Variants in SHISA6 observed in about 807,000 individuals in gnomAD.
The protein encoded by SHISA6 is shisa family member 6.
SHISA6 carries 22 observed loss-of-function variants against 47.9 expected under a neutral mutation model. The observed-to-expected ratio is 0.46, with a 90% CI of 0.33 to 0.66. The LOEUF (loss-of-function observed/expected upper bound fraction) is 0.66, where lower values mean the gene tolerates loss of function less well. Ranked by LOEUF, SHISA6 falls within the 30% of genes least tolerant of loss-of-function variation. The probability of loss-of-function intolerance (pLI) is 0.02; values close to 1 mark genes in which losing one functional copy is unlikely to be tolerated. For synonymous variants in SHISA6, 388 were observed against 337.8 expected, an observed-to-expected ratio of 1.15 and a Z score of -1.63; for missense variants, 680 against 764.6, an observed-to-expected ratio of 0.89 and a Z score of 1.30.
chr17:11,431,510 TC>T (rs1914773727), intron 3 of SHISA6, among the ~76,000 whole-genome samples: 1 of 152,222 alleles, frequency 6.6e-6, no homozygotes, highest in African/African-American at 2.4e-5. Flanking sequence ...GAAGCATCCT[TC>T]TAGAGGAAAT....
chr17:11,475,928 C>A (rs1342934077), intron 3 of SHISA6, among the ~76,000 whole-genome samples: 2 of 151,910 alleles, frequency 1.3e-5, no homozygotes, highest in African/African-American at 4.8e-5. Context: ...GACTTCAGTT[C>A]TGGAAGGCTA....
chr17:11,270,995 A>G (rs1908624041), intron 2 of SHISA6, among the ~76,000 whole-genome samples: 1 of 152,164 alleles, frequency 6.6e-6, no homozygotes, highest in Admixed American at 6.5e-5. Context: ...GGCCTGATGA[A>G]TGAATCATGT....
intron 3 of SHISA6, 58 bp downstream of exon 3, chr17:11,379,567 A>T: frequency 8.3e-7 from 1 of 1,210,836 alleles, no homozygotes; most frequent in Admixed American, 2.2e-5. Flanking sequence ...ACGCCATCTG[A>T]AATGAGAAGA....
intron 2 of SHISA6, among the ~76,000 whole-genome samples, chr17:11,302,311 C>T (rs1273067078): frequency 6.6e-6 from 1 of 152,136 alleles, no homozygotes; most frequent in Non-Finnish European, 1.5e-5. Flanking sequence ...AAATAGACCA[C>T]AAAATGTTAT....
In SHISA6 at chr17:11,247,261, C is replaced by T. The variant is rs547106370; in HGVS notation, c.638+5201C>T. ...CTCCAGACGGACAGTCCTACGGATC[C>T]GGAATAAAAGGGAACCACAACAAAA... On this transcript the variant is annotated intron_variant, in intron 1 of 5. Transcript: ENST00000441885. 5.3e-5 allele frequency among the ~76,000 whole-genome samples: 8 copies of T among 152,264 alleles called. No individual in the cohort carries two copies. In the East Asian group the frequency reaches 5.8e-4, roughly 11 times the overall value.
intron 3 of SHISA6, among the ~76,000 whole-genome samples, chr17:11,417,370 C>T (rs111443642): frequency 8.5e-5 from 13 of 152,200 alleles, no homozygotes; most frequent in African/African-American, 3.1e-4. Flanking sequence ...ATTTATGTTT[C>T]GAATTTTTTA....
chr17:11,320,747 G>A (rs926031960), intron 2 of SHISA6, among the ~76,000 whole-genome samples: 1 of 152,078 alleles, frequency 6.6e-6, no homozygotes, highest in Non-Finnish European at 1.5e-5. Flanking sequence ...GGCAACTAAA[G>A]GGACATCTGT....
chr17:11,300,149 C>CAAAAAAAAAAAAAAAGAAAAAAA (rs1909873064), intron 2 of SHISA6, among the ~76,000 whole-genome samples: 2 of 129,162 alleles, frequency 1.5e-5, no homozygotes, highest in South Asian at 2.5e-4. Context: ...CATCTTAAAA[C>CAAAAAAAAAAAAAAAGAAAAAAA]AAAAAAAAAA....
At chr17:11,435,240 T>C (rs1914904462) in intron 3 of SHISA6, among the ~76,000 whole-genome samples, 3 of 151,998 alleles carry the variant, frequency 2.0e-5, no homozygotes, top group Admixed American at 2.0e-4. Flanking sequence ...AACTTAAAGA[T>C]TATTAACTTT....
At chr17:11,255,580 A>G (rs1176502789) in intron 1 of SHISA6, among the ~76,000 whole-genome samples, 1 of 152,218 alleles carries the variant, frequency 6.6e-6, no homozygotes, top group Non-Finnish European at 1.5e-5. Context: ...GGGAAGGAAC[A>G]GGCTCTCTTT....
chr17:11,491,789 T>TTTTTTG (rs11400685), intron 3 of SHISA6, among the ~76,000 whole-genome samples: 1 of 149,290 alleles, frequency 6.7e-6, no homozygotes, highest in Non-Finnish European at 1.5e-5. Flanking sequence ...TTTTTTTTTT[T>TTTTTTG]GAGACAGAGT....
At chr17:11,348,013 G>A (rs1911756579) in intron 2 of SHISA6, among the ~76,000 whole-genome samples, 1 of 152,172 alleles carries the variant, frequency 6.6e-6, no homozygotes, top group East Asian at 1.9e-4. Context: ...GAGTTAATTG[G>A]TCATCCATAA....
At chr17:11,411,305 C>G (rs1914109436) in intron 3 of SHISA6, among the ~76,000 whole-genome samples, 1 of 151,890 alleles carries the variant, frequency 6.6e-6, no homozygotes, top group Admixed American at 6.6e-5. Context: ...CTCTTGATCT[C>G]TCTCTCACTA....
intron 2 of SHISA6, among the ~76,000 whole-genome samples, chr17:11,299,364 G>GT (rs894064472): frequency 9.1e-4 from 135 of 147,852 alleles, no homozygotes; most frequent in Middle Eastern, 3.4e-3. Context: ...TATTTCTGGT[G>GT]TTTTTTTTTT....
intron 3 of SHISA6, among the ~76,000 whole-genome samples, chr17:11,525,377 G>C (rs2071667083): frequency 6.6e-6 from 1 of 152,160 alleles, no homozygotes. Context: ...GCTCACGCCT[G>C]TAATCCCAGC....
Position 11,417,220 on chromosome 17 carries a change from A to G in SHISA6, c.895+37711A>G, listed in dbSNP as rs368905209. 3.9e-5 allele frequency among the ~76,000 whole-genome samples: 6 copies of G among 152,210 alleles called. No homozygotes were observed. The East Asian group carries it at 9.6e-4, about 24-fold the overall frequency. On this transcript the variant is annotated intron_variant, in intron 3 of 5. Transcript: ENST00000441885. ...TCACCAGAGTCTAAAATGAGGGAAT[A>G]TAAGTTTGACTGGGTTTTTTCAGAA...
At chr17:11,391,720 A>G (rs1042140244) in intron 3 of SHISA6, among the ~76,000 whole-genome samples, 1 of 152,126 alleles carries the variant, frequency 6.6e-6, no homozygotes, top group Non-Finnish European at 1.5e-5. Flanking sequence ...TGCAGGCCTC[A>G]GTTTCCTCAT....
chr17:11,466,226 G>GAACACAC (rs1381242488), intron 3 of SHISA6, among the ~76,000 whole-genome samples: 1 of 152,164 alleles, frequency 6.6e-6, no homozygotes, highest in African/African-American at 2.4e-5. Flanking sequence ...CAGAATAAGA[G>GAACACAC]AACACACCTG....
At chr17:11,424,844 A>C (rs1407206557) in intron 3 of SHISA6, among the ~76,000 whole-genome samples, 1 of 152,034 alleles carries the variant, frequency 6.6e-6, no homozygotes, top group Non-Finnish European at 1.5e-5. Context: ...TCTACTAAAA[A>C]TACAAAATAT....
Sources: gnomAD v4.1 joint callset for allele counts (sites outside exome capture counted in the v4.1 genomes callset) on GRCh38, gnomAD v4.1.1 for gene constraint, MANE v1.5 for transcripts, NCBI Gene and HGNC (gene_info 2026-07-23, HGNC 2026-07-21) for gene names.